Variants in SRGAP1 observed in about 807,000 individuals in gnomAD.
SRGAP1 encodes the protein SLIT-ROBO Rho GTPase-activating protein 1.
In SRGAP1, 43 loss-of-function variants were observed where a neutral mutation model predicts 121.9. The observed-to-expected ratio is 0.35, with a 90% CI of 0.28 to 0.46. SRGAP1 has a LOEUF of 0.46. Among genes scored for constraint, SRGAP1 ranks in the 20% least tolerant of loss-of-function variants. SRGAP1 has a pLI of 1.00. For synonymous variants in SRGAP1, 447 were observed against 485.4 expected, an observed-to-expected ratio of 0.92 and a Z score of 1.04; for missense variants, 1,102 against 1,350.9, an observed-to-expected ratio of 0.82 and a Z score of 2.89.
At chr12:63,986,909 A>G (rs575535153) in intron 2 of SRGAP1, among the ~76,000 whole-genome samples, 19 of 152,312 alleles carry the variant, frequency 1.2e-4, no homozygotes, top group African/African-American at 4.3e-4. Flanking sequence ...CTTTAATTTG[A>G]GTAAGTTTAT....
intron 1 of SRGAP1, among the ~76,000 whole-genome samples, chr12:63,889,190 C>T (rs552551873): frequency 1.3e-5 from 2 of 152,274 alleles, no homozygotes; most frequent in East Asian, 3.9e-4. Context: ...AGGGCAGGGC[C>T]AAGCATAGAG....
intron 2 of SRGAP1, among the ~76,000 whole-genome samples, chr12:63,984,515 T>C (rs2033360454): frequency 6.6e-6 from 1 of 152,206 alleles, no homozygotes; most frequent in Non-Finnish European, 1.5e-5. Context: ...AGTGAATTTA[T>C]ATGAAAGTAA....
chr12:63,998,113 T>G (rs1013829963), intron 3 of SRGAP1, among the ~76,000 whole-genome samples: 3 of 152,192 alleles, frequency 2.0e-5, no homozygotes, highest in South Asian at 2.1e-4. Flanking sequence ...ATATATTTAC[T>G]TAATTATTTG....
intron 16 of SRGAP1, 36 bp from the exon 17 acceptor site, chr12:64,111,726 G>C (rs1425040693): frequency 3.3e-6 from 5 of 1,499,822 alleles, no homozygotes; most frequent in Non-Finnish European, 4.5e-6. Flanking sequence ...TTTTCTCTTT[G>C]TTCTTTTATA....
chr12:64,138,478 AGTCTCACTCT>A (rs1565697802), intron 21 of SRGAP1, among the ~76,000 whole-genome samples: 3 of 103,998 alleles, frequency 2.9e-5, no homozygotes, highest in African/African-American at 3.9e-5. Context: ...TTGGAGATGG[AGTCTCACTCT>A]GTCACCCAGG....
At chr12:64,038,244 G>A (rs2034940420) in intron 4 of SRGAP1, among the ~76,000 whole-genome samples, 3 of 152,088 alleles carry the variant, frequency 2.0e-5, no homozygotes, top group Admixed American at 1.3e-4. Context: ...TATAATGCTT[G>A]CTAAAGTAAA....
At chr12:64,135,511 A>G (rs138027689) in intron 21 of SRGAP1, among the ~76,000 whole-genome samples, 53 of 152,222 alleles carry the variant, frequency 3.5e-4, no homozygotes, top group African/African-American at 1.2e-3. Flanking sequence ...CAGCTTCACT[A>G]TGTTCCTTGG....
At chr12:63,963,102 C>A (rs555800885) in intron 1 of SRGAP1, among the ~76,000 whole-genome samples, 3 of 151,822 alleles carry the variant, frequency 2.0e-5, no homozygotes, top group Non-Finnish European at 4.4e-5. Flanking sequence ...GGGTATATGC[C>A]GTGGAGAGAA....
intron 1 of SRGAP1, among the ~76,000 whole-genome samples, chr12:63,957,691 G>A (rs912433246): frequency 2.0e-5 from 3 of 152,168 alleles, no homozygotes; most frequent in African/African-American, 7.2e-5. Flanking sequence ...ATGGGTGTGA[G>A]GTGAAACATA....
chr12:63,935,936 CTCT>C (rs2031647156), intron 1 of SRGAP1, among the ~76,000 whole-genome samples: 1 of 152,068 alleles, frequency 6.6e-6, no homozygotes, highest in Non-Finnish European at 1.5e-5. Context: ...AAAAAAGAGA[CTCT>C]TCTTTCATAC....
intron 1 of SRGAP1, among the ~76,000 whole-genome samples, chr12:63,904,149 C>T (rs1218413810): frequency 6.6e-6 from 1 of 151,052 alleles, no homozygotes; most frequent in African/African-American, 2.4e-5. Flanking sequence ...ACTGAGATTG[C>T]CGCATTTGTT....
At chr12:64,058,933 A>G (rs942508801) in intron 6 of SRGAP1, among the ~76,000 whole-genome samples, 3 of 152,138 alleles carry the variant, frequency 2.0e-5, no homozygotes, top group African/African-American at 7.2e-5. Context: ...GAGTGTAGAA[A>G]TGCTGCCTAT....
intron 4 of SRGAP1, 82 bp downstream of exon 4, chr12:64,017,094 A>G (rs1293170924): frequency 2.5e-6 from 2 of 786,632 alleles, no homozygotes; most frequent in South Asian, 2.0e-5. Flanking sequence ...TGTAGTATTC[A>G]TTCCAAGCCA....
At chr12:64,012,542 A>G (rs911272115) in intron 3 of SRGAP1, among the ~76,000 whole-genome samples, 7 of 132,574 alleles carry the variant, frequency 5.3e-5, no homozygotes, top group African/African-American at 2.1e-4. Context: ...AAATATTTTA[A>G]GTTATTATCT....
At chr12:63,921,602 C>G (rs1045428824) in intron 1 of SRGAP1, among the ~76,000 whole-genome samples, 1 of 152,206 alleles carries the variant, frequency 6.6e-6, no homozygotes, top group African/African-American at 2.4e-5. Flanking sequence ...ACAACCCCTG[C>G]TCCCCTAACG....
chr12:63,950,796 T>C (rs558555296), intron 1 of SRGAP1, among the ~76,000 whole-genome samples: 1 of 152,268 alleles, frequency 6.6e-6, no homozygotes, highest in Admixed American at 6.5e-5. Flanking sequence ...TTGCCTGGCA[T>C]TGATCATTTC....
chr12:63,940,745 T>C (rs2031836351), intron 1 of SRGAP1, among the ~76,000 whole-genome samples: 1 of 152,218 alleles, frequency 6.6e-6, no homozygotes, highest in African/African-American at 2.4e-5. Flanking sequence ...CCTCCGTTTG[T>C]TTCTTACATT....
chr12:64,019,324 A>C (rs2034490371), intron 4 of SRGAP1, among the ~76,000 whole-genome samples: 1 of 152,188 alleles, frequency 6.6e-6, no homozygotes. Context: ...TCAGCCTGAA[A>C]GCCTGAAAGA....
At chr12:63,871,435 T>C (rs1899850780) in intron 1 of SRGAP1, among the ~76,000 whole-genome samples, 1 of 152,186 alleles carries the variant, frequency 6.6e-6, no homozygotes, top group South Asian at 2.1e-4. Flanking sequence ...AATCTGCATG[T>C]GCTTTTGAAC....
Sources: allele counts gnomAD v4.1 joint callset (sites outside exome capture counted in the v4.1 genomes callset), GRCh38; gene constraint gnomAD v4.1.1; transcripts MANE v1.5; gene names NCBI Gene and HGNC (gene_info 2026-07-23, HGNC 2026-07-21).